DHRSX: variants seen among roughly 807,000 people sequenced by gnomAD.
DHRSX encodes the protein polyprenol dehydrogenase.
DHRSX carries 31 observed loss-of-function variants against 34.0 expected under a neutral mutation model. The ratio of observed to expected loss-of-function variants is 0.91; its 90% CI spans 0.69 to 1.23. DHRSX has a LOEUF of 1.23. Among genes scored for constraint, DHRSX ranks in the 50% most tolerant of loss-of-function variants. DHRSX has a pLI of 0.00. For missense variants in DHRSX, 414 were observed against 428.1 expected, an observed-to-expected ratio of 0.97 and a Z score of 0.29; for synonymous variants, 201 against 183.8, an observed-to-expected ratio of 1.09 and a Z score of -0.76.
chrX:2,375,837 T>TG, intron 3 of DHRSX, among the ~76,000 whole-genome samples: 2 of 136,664 alleles, frequency 1.5e-5, no homozygotes, highest in Middle Eastern at 3.6e-3. Flanking sequence ...TTCACCATGT[T>TG]GGCCAAGCTG....
At chrX:2,376,220 G>C (rs1204320516) in intron 3 of DHRSX, among the ~76,000 whole-genome samples, 1 of 137,494 alleles carries the variant, frequency 7.3e-6, no homozygotes, top group Non-Finnish European at 1.7e-5. Context: ...ATTGCAGTAC[G>C]GATCTGAGGC....
chrX:2,478,493 A>G (rs1028568532), intron 1 of DHRSX, among the ~76,000 whole-genome samples: 2 of 139,554 alleles, frequency 1.4e-5, no homozygotes, highest in Non-Finnish European at 3.1e-5. Flanking sequence ...AATGTGGCCA[A>G]GGGACTGCAC....
chrX:2,485,850 G>C (rs1223359183), intron 1 of DHRSX, among the ~76,000 whole-genome samples: 2 of 111,360 alleles, frequency 1.8e-5, no homozygotes, highest in Admixed American at 9.9e-5. Context: ...GGAAGGGAGA[G>C]AAAGAAAGAA....
In DHRSX at chrX:2,306,572, C is replaced by A. The variant is rs139221000; in HGVS notation, c.287-14969G>T. Among the ~76,000 whole-genome samples, 1,039 of 151,922 alleles carry A rather than the reference C, an allele frequency of 6.8e-3. 14 individuals are homozygous for A. Among genetic ancestry groups the A allele is most frequent in the African/African-American group, 0.023 (973 of 41,420 alleles). ...CACCCGCCAGGTTCAAGCGATTCAG[C>A]CTCCCAAGTAGCTGGGATTACAGAC... On this transcript the variant is annotated intron_variant, in intron 3 of 6. Transcript: ENST00000334651.
At chrX:2,465,807 C>T (rs912980131) in intron 1 of DHRSX, among the ~76,000 whole-genome samples, 1 of 82,830 alleles carries the variant, frequency 1.2e-5, no homozygotes, top group Non-Finnish European at 2.2e-5. Flanking sequence ...AAAACTCCAT[C>T]GCAAAAAAAA....
chrX:2,311,254 G>C lies in DHRSX; in HGVS notation c.287-19651C>G, dbSNP rs192024962. Among the ~76,000 whole-genome samples the C allele has an allele frequency of 2.9e-4, 44 of 152,142 alleles. No homozygotes were observed. The South Asian group carries it at 8.5e-3, about 29-fold the overall frequency. ...AGAAAGAGAGAGAGACATACAGAGA[G>C]AGAAAGAGAGAGATGGGGAGAGAGC... On this transcript the variant is annotated intron_variant, in intron 3 of 6. Coordinates refer to ENST00000334651, the MANE Select transcript of DHRSX (RefSeq NM_145177.3).
intron 5 of DHRSX, among the ~76,000 whole-genome samples, chrX:2,262,997 A>G (rs924640323): frequency 2.0e-5 from 3 of 152,132 alleles, no homozygotes; most frequent in Admixed American, 1.3e-4. Flanking sequence ...CCCTGGGCTC[A>G]CCCTCCTCGT....
At chrX:2,282,564 G>C (rs2041721413) in intron 4 of DHRSX, among the ~76,000 whole-genome samples, 1 of 145,564 alleles carries the variant, frequency 6.9e-6, no homozygotes, top group Non-Finnish European at 1.5e-5. Context: ...GGGTGTGCGA[G>C]AGGGAAACAG....
intron 3 of DHRSX, among the ~76,000 whole-genome samples, chrX:2,323,004 A>C (rs753755708): frequency 6.6e-6 from 1 of 151,390 alleles, no homozygotes; most frequent in South Asian, 2.1e-4. Flanking sequence ...GCTCCCTGCA[A>C]TCTCCGCCTC....
intron 6 of DHRSX, among the ~76,000 whole-genome samples, chrX:2,227,568 AAGGG>A (rs2015703695): frequency 8.0e-6 from 1 of 124,336 alleles, no homozygotes; most frequent in Non-Finnish European, 1.7e-5. Flanking sequence ...AGGAGGGAAG[AAGGG>A]AGGAAGGGAA....
At chrX:2,325,965 A>C (rs1372613353) in intron 3 of DHRSX, among the ~76,000 whole-genome samples, 2 of 152,186 alleles carry the variant, frequency 1.3e-5, no homozygotes, top group Non-Finnish European at 2.9e-5. Flanking sequence ...CAACGTAGCC[A>C]CTTCACTAAC....
In DHRSX at chrX:2,408,771, A is replaced by G. The variant is rs780151066; in HGVS notation, c.260T>C (p.Ile87Thr). The change falls in exon 3 of 7, where the codon ATA becomes ACA. Residue 87 changes from isoleucine to threonine, a missense_variant. By Grantham distance (89) the Ile-to-Thr change is moderately conservative. Transcript: ENST00000334651. ...TTTGTCGTTCAAGGTTTCTTCTTTT[A>G]TTTTGCTTACAACTTGTTTGGCTTT... ...DSKAKQVVSK[I>T]KEETLNDKVE... 1 of 1,612,128 alleles carries G rather than the reference A, an allele frequency of 6.2e-7. No homozygotes were observed. Among genetic ancestry groups the G allele is most frequent in the East Asian group, 2.2e-5 (1 of 44,862 alleles).
chrX:2,497,648 T>C (rs2045316450), intron 1 of DHRSX, among the ~76,000 whole-genome samples: 1 of 152,234 alleles, frequency 6.6e-6, no homozygotes, highest in African/African-American at 2.4e-5. Context: ...GAATATTCTG[T>C]GGCCTATTAT....
chrX:2,258,823 C>T (rs551868155), intron 5 of DHRSX, among the ~76,000 whole-genome samples: 2 of 152,374 alleles, frequency 1.3e-5, no homozygotes, highest in South Asian at 4.1e-4. Flanking sequence ...TCTGTTAACA[C>T]TCTCTCATTA....
chrX:2,484,743 A>T (rs1242080750), intron 1 of DHRSX, among the ~76,000 whole-genome samples: 1 of 152,126 alleles, frequency 6.6e-6, no homozygotes, highest in Admixed American at 6.5e-5. Context: ...CTGAGATCAC[A>T]GAGGGGAAAA....
chrX:2,247,655 CAAAAAAAAAAA>C, intron 5 of DHRSX, among the ~76,000 whole-genome samples: 1 of 96,900 alleles, frequency 1.0e-5, no homozygotes, highest in African/African-American at 3.8e-5. Flanking sequence ...CTCCGTCTCA[CAAAAAAAAAAA>C]AAAAAAAAAA....
At chrX:2,231,655 TTTCTTC>T (rs373482399) in intron 6 of DHRSX, among the ~76,000 whole-genome samples, 2,516 of 147,550 alleles carry the variant, frequency 0.017, 73 homozygotes, top group African/African-American at 0.055. Context: ...CTCTCTGCCT[TTTCTTC>T]TTTTTTTCTT....
At chrX:2,383,536 T>C (rs773141358) in intron 3 of DHRSX, among the ~76,000 whole-genome samples, 1 of 152,224 alleles carries the variant, frequency 6.6e-6, no homozygotes, top group Non-Finnish European at 1.5e-5. Context: ...ATCATCACCA[T>C]CAGAATCACC....
At position 2,291,579 on chromosome X, in the gene DHRSX, G is replaced by A; in HGVS notation, c.311C>T (p.Ala104Val). 1 of 1,613,874 alleles carries A rather than the reference G, an allele frequency of 6.2e-7. No homozygotes were observed. Among genetic ancestry groups the A allele is most frequent in the African/African-American group, 1.3e-5 (1 of 75,026 alleles). The change falls in exon 4 of 7, where the codon GCT becomes GTT. Residue 104 changes from alanine (A) to valine (V), a missense_variant. By Grantham distance (64) the Ala-to-Val change is moderately conservative. Transcript: ENST00000334651. The part of the protein sequence containing the change: ...DKVEFLYCDL[A>V]SMTSIRQFVQ... ...AAACTGCCGGATGGAAGTCATGGAA[G>A]CCAAGTCACAGTATAAAAATTCCAC...
Sources: allele counts gnomAD v4.1 joint callset (sites outside exome capture counted in the v4.1 genomes callset), GRCh38; gene constraint gnomAD v4.1.1; transcripts MANE v1.5; gene names NCBI Gene and HGNC (gene_info 2026-07-23, HGNC 2026-07-21).